RUNX1: variants seen among roughly 807,000 people sequenced by gnomAD.
RUNX1 encodes RUNX family transcription factor 1.
Under a neutral mutation model 42.8 loss-of-function variants are expected in RUNX1, and 19 were observed. The observed-to-expected ratio is 0.44, with a 90% confidence interval of 0.31 to 0.65. The LOEUF is 0.65. Ranked by LOEUF, RUNX1 falls within the 30% of genes least tolerant of loss-of-function variation. The probability of loss-of-function intolerance (pLI) is 0.07; values close to 1 mark genes in which losing one functional copy is unlikely to be tolerated. For missense variants in RUNX1, 528 were observed against 672.0 expected, an observed-to-expected ratio of 0.79 and a Z score of 2.37; for synonymous variants, 271 against 289.4, an observed-to-expected ratio of 0.94 and a Z score of 0.64.
At position 34,875,263 on chromosome 21, in the gene RUNX1, T is replaced by C. The variant is rs148887264; in HGVS notation, c.508+5294A>G. Among the ~76,000 whole-genome samples the C allele has an allele frequency of 5.0e-4, 76 of 152,358 alleles. 1 individual carries two copies. The South Asian group carries it at 7.7e-3, about 15-fold the overall frequency. ...AACTTGCTTTAGGAAAGTGTTGCTATCCTTTTATTGGCAAATGTGAAACCG... is the reference window on the plus strand; with the variant it reads ...AACTTGCTTTAGGAAAGTGTTGCTACCCTTTTATTGGCAAATGTGAAACCG... On this transcript the variant is annotated intron_variant, in intron 5 of 8. Transcript: ENST00000675419.
intron 4 of RUNX1, among the ~76,000 whole-genome samples, chr21:34,883,860 G>A (rs2146385516): frequency 6.6e-6 from 1 of 152,328 alleles, no homozygotes; most frequent in South Asian, 2.1e-4. Context: ...TTGCAAAGAA[G>A]GCTGTGGAGT....
intron 7 of RUNX1, among the ~76,000 whole-genome samples, chr21:34,832,734 T>C (rs1481084883): frequency 6.6e-6 from 1 of 152,148 alleles, no homozygotes; most frequent in Non-Finnish European, 1.5e-5. Context: ...TAATTTACCA[T>C]ATACGCTTGT....
At chr21:34,892,723 C>T (rs1215132697) in intron 3 of RUNX1, among the ~76,000 whole-genome samples, 1 of 152,114 alleles carries the variant, frequency 6.6e-6, no homozygotes, top group Non-Finnish European at 1.5e-5. Context: ...ATCATTTAAG[C>T]TTTCATTGAA....
intron 2 of RUNX1, among the ~76,000 whole-genome samples, chr21:35,023,943 T>G (rs1408248799): frequency 1.3e-5 from 2 of 149,468 alleles, no homozygotes; most frequent in Non-Finnish European, 3.0e-5. Flanking sequence ...TATTATATAT[T>G]TTACTATATT....
chr21:34,876,147 G>A (rs536552793), intron 5 of RUNX1, among the ~76,000 whole-genome samples: 163 of 152,322 alleles, frequency 1.1e-3, no homozygotes, highest in Non-Finnish European at 1.6e-3. Flanking sequence ...ACAGGGCTGG[G>A]TGTGGACACA....
At chr21:35,038,688 A>G in intron 2 of RUNX1, 1 of 454,806 alleles carries the variant, frequency 2.2e-6, no homozygotes, top group South Asian at 1.6e-5. Context: ...ATTTCTCCTG[A>G]GAGGCCACTT....
rs999687674 is a variant in RUNX1 at position 34,788,387 on chromosome 21, GAACA to G, written c.*3744_*3747del. 2 of 232,210 alleles carry G rather than the reference GAACA, an allele frequency of 8.6e-6. No individual in the cohort carries two copies. The highest frequency in any genetic ancestry group is 2.2e-5 in the African/African-American group (1 of 44,994). The allele number at this position is 232,210 out of a possible 1,614,324, so 14.4% of individuals were successfully genotyped here. On this transcript the variant is annotated 3_prime_UTR_variant, in exon 9 of 9. Transcript: ENST00000675419. The stretch of plus-strand genomic sequence containing the variant: ...TTTTTTTGCACATTCATTTCCCCTA[GAACA>G]AAAAAAGTGAACTTAAAAAAAATTG...
rs150252790 is a variant in RUNX1, at chr21:35,019,059, T to C, written c.58+29783A>G. Among the ~76,000 whole-genome samples the C allele has an allele frequency of 3.9e-3, 598 of 152,326 alleles. 2 individuals are homozygous for C. The highest frequency in any genetic ancestry group is 0.013 in the African/African-American group (560 of 41,564). On this transcript the variant is annotated intron_variant, in intron 2 of 8. Coordinates refer to ENST00000675419, the MANE Select transcript of RUNX1 (RefSeq NM_001754.5). ...CAGCTCAAAAGTCTCCATAGGTCTC[T>C]ACTGCCTTCAGGAGGAAGTCTTACC...
chr21:34,813,078 T>C (rs1212948501), intron 7 of RUNX1, among the ~76,000 whole-genome samples: 2 of 152,194 alleles, frequency 1.3e-5, no homozygotes, highest in East Asian at 3.9e-4. Flanking sequence ...TACTCTTAAA[T>C]AGCGATCATC....
intron 2 of RUNX1, among the ~76,000 whole-genome samples, chr21:34,991,324 T>G (rs1394324179): frequency 6.6e-6 from 1 of 152,214 alleles, no homozygotes; most frequent in Non-Finnish European, 1.5e-5. Context: ...AATATTCACA[T>G]CTGCCATGGC....
intron 6 of RUNX1, among the ~76,000 whole-genome samples, chr21:34,857,744 A>G (rs1167129678): frequency 1.3e-5 from 2 of 152,128 alleles, no homozygotes; most frequent in Non-Finnish European, 2.9e-5. Context: ...CTCTGTGGAG[A>G]ACAAACTTGC....
intron 5 of RUNX1, among the ~76,000 whole-genome samples, chr21:34,862,115 TGA>T (rs137981085): frequency 3.2e-4 from 48 of 147,802 alleles, no homozygotes; most frequent in Admixed American, 6.1e-4. Flanking sequence ...TGTGGGTGTA[TGA>T]GAGAGAGAGA....
At chr21:34,951,096 G>A (rs1453644756) in intron 2 of RUNX1, among the ~76,000 whole-genome samples, 2 of 152,176 alleles carry the variant, frequency 1.3e-5, no homozygotes, top group Admixed American at 6.5e-5. Flanking sequence ...CAGTGCTGCC[G>A]AGTGTTAGAC....
At chr21:35,048,815 G>A in intron 2 of RUNX1, 27 bp downstream of exon 2, 2 of 1,595,862 alleles carry the variant, frequency 1.3e-6, no homozygotes, top group Non-Finnish European at 1.7e-6. Context: ...AGCAAAAGTA[G>A]ATATTACAAG....
At chr21:34,807,277 A>G (rs2056693142) in intron 7 of RUNX1, among the ~76,000 whole-genome samples, 1 of 151,900 alleles carries the variant, frequency 6.6e-6, no homozygotes, top group Non-Finnish European at 1.5e-5. Context: ...CTGACTGTCC[A>G]CTCTAGGGTC....
intron 7 of RUNX1, among the ~76,000 whole-genome samples, chr21:34,815,687 G>C (rs2145974258): frequency 6.6e-6 from 1 of 152,332 alleles, no homozygotes; most frequent in South Asian, 2.1e-4. Flanking sequence ...CCAGGAGCTA[G>C]CAGTGAGTAG....
intron 2 of RUNX1, among the ~76,000 whole-genome samples, chr21:35,040,818 A>G (rs959886545): frequency 1.1e-4 from 17 of 151,424 alleles, no homozygotes; most frequent in Non-Finnish European, 1.9e-4. Flanking sequence ...CTCACCCACA[A>G]TGGAATGTGA....
At position 35,037,667 on chromosome 21, in the gene RUNX1, C is replaced by T. The variant is rs561350313; in HGVS notation, c.58+11175G>A. 3.5e-4 allele frequency among the ~76,000 whole-genome samples: 53 copies of T among 152,294 alleles called. 1 individual carries two copies. Among genetic ancestry groups the T allele is most frequent in the Admixed American group, 2.4e-3 (37 of 15,298 alleles). On this transcript the variant is annotated intron_variant, in intron 2 of 8. Coordinates refer to ENST00000675419, the MANE Select transcript of RUNX1 (RefSeq NM_001754.5). The stretch of plus-strand genomic sequence containing the variant: ...CAGCAGCCTAACCACAAGCAGGTCA[C>T]GTAACCTTGGCAGGCCATGCTTCCC...
At chr21:34,915,898 TG>T (rs1434765830) in intron 2 of RUNX1, among the ~76,000 whole-genome samples, 1 of 152,232 alleles carries the variant, frequency 6.6e-6, no homozygotes, top group Non-Finnish European at 1.5e-5. Flanking sequence ...TCCTCGTTTT[TG>T]GAAGTGAAAA....
Sources: gnomAD v4.1 joint callset for allele counts (sites outside exome capture counted in the v4.1 genomes callset) on GRCh38, gnomAD v4.1.1 for gene constraint, MANE v1.5 for transcripts, NCBI Gene and HGNC (gene_info 2026-07-23, HGNC 2026-07-21) for gene names.